GABRG2: variants seen among roughly 807,000 people sequenced by gnomAD.
The protein encoded by GABRG2 is gamma-aminobutyric acid receptor subunit gamma-2.
A neutral mutation model predicts 56.4 loss-of-function variants in GABRG2; 16 were observed. The ratio of observed to expected loss-of-function variants is 0.28; its 90% CI spans 0.19 to 0.43. The LOEUF is 0.43. GABRG2 is among the 20% of genes least tolerant of loss of function. The pLI, the probability that GABRG2 is intolerant of heterozygous loss-of-function variation, is 1.00. For synonymous variants in GABRG2, 208 were observed against 205.5 expected, an observed-to-expected ratio of 1.01 and a Z score of -0.10; for missense variants, 327 against 582.7, an observed-to-expected ratio of 0.56 and a Z score of 4.52.
Position 162,130,046 on chromosome 5 carries a change from T to C in GABRG2, c.770-12118T>C, listed in dbSNP as rs149917822. 4.6e-5 allele frequency among the ~76,000 whole-genome samples: 7 copies of C among 152,072 alleles called. No homozygotes were observed. In the Middle Eastern group the frequency reaches 0.01, roughly 222 times the overall value. On this transcript the variant is annotated intron_variant, in intron 6 of 9. Coordinates refer to ENST00000639213, the MANE Select transcript of GABRG2 (RefSeq NM_198904.4). ...TTGCCCACCAACACAGAAAGTTTCCTTTTTCAGAGAAGTTGAGCTTTTTCG... is the reference window on the plus strand; with the variant it reads ...TTGCCCACCAACACAGAAAGTTTCCCTTTTCAGAGAAGTTGAGCTTTTTCG...
At chr5:162,127,209 TG>T (rs1763397242) in intron 6 of GABRG2, among the ~76,000 whole-genome samples, 1 of 152,088 alleles carries the variant, frequency 6.6e-6, no homozygotes, top group Non-Finnish European at 1.5e-5. Context: ...CTCTGCACAG[TG>T]GAAAACCTAT....
intron 5 of GABRG2, chr5:162,102,320 C>T (rs1561644566): frequency 3.1e-6 from 1 of 321,324 alleles, no homozygotes; most frequent in African/African-American, 2.2e-5. Context: ...AGAGATAAGC[C>T]TTCCTTTCTT....
chr5:162,076,774 C>G (rs1027039851), intron 1 of GABRG2, among the ~76,000 whole-genome samples: 3 of 152,088 alleles, frequency 2.0e-5, no homozygotes, highest in Admixed American at 6.6e-5. Flanking sequence ...AGGAAACAAT[C>G]TAAGCTGGTA....
chr5:162,150,538 A>C (rs887503250), intron 8 of GABRG2: 1 of 152,220 alleles, frequency 6.6e-6, no homozygotes, highest in African/African-American at 2.4e-5. Context: ...GGCTCATAGA[A>C]ATCCCCATGA....
chr5:162,135,156 A>C (rs1169823601), intron 6 of GABRG2, among the ~76,000 whole-genome samples: 1 of 152,120 alleles, frequency 6.6e-6, no homozygotes, highest in Admixed American at 6.6e-5. Flanking sequence ...GAGAATCTCA[A>C]ATCACCAAAT....
chr5:162,113,021 C>A (rs1472384176), intron 6 of GABRG2, among the ~76,000 whole-genome samples: 1 of 151,882 alleles, frequency 6.6e-6, no homozygotes, highest in African/African-American at 2.4e-5. Flanking sequence ...GGTGAGATCT[C>A]GACTCATGCA....
intron 9 of GABRG2, chr5:162,152,352 A>G (rs2113646881): frequency 2.9e-6 from 1 of 349,292 alleles, no homozygotes; most frequent in South Asian, 2.6e-5. Context: ...ATTTCTGTTT[A>G]GATTATGCTA....
intron 6 of GABRG2, among the ~76,000 whole-genome samples, chr5:162,122,798 A>G (rs1274206721): frequency 1.3e-5 from 2 of 151,766 alleles, no homozygotes; most frequent in African/African-American, 4.8e-5. Context: ...AAGATAGAGC[A>G]TGAATTTTGA....
At chr5:162,115,012 A>G (rs979343401) in intron 6 of GABRG2, among the ~76,000 whole-genome samples, 2 of 152,154 alleles carry the variant, frequency 1.3e-5, no homozygotes, top group African/African-American at 2.4e-5. Flanking sequence ...TTGTCAATCA[A>G]ACTGATACTT....
At chr5:162,113,788 A>G (rs1457085702) in intron 6 of GABRG2, among the ~76,000 whole-genome samples, 1 of 152,222 alleles carries the variant, frequency 6.6e-6, no homozygotes, top group Non-Finnish European at 1.5e-5. Context: ...GTTCCTTGTT[A>G]AAGAGGTAAT....
chr5:162,068,142 A>G (rs1162737680), intron 1 of GABRG2, 36 bp downstream of exon 1: 2 of 1,458,584 alleles, frequency 1.4e-6, no homozygotes, highest in Non-Finnish European at 1.9e-6. Flanking sequence ...TTTTGTTCTG[A>G]AGAGGTGGGG....
At chr5:162,092,554 CAT>C (rs1015005085) in intron 1 of GABRG2, among the ~76,000 whole-genome samples, 7 of 152,100 alleles carry the variant, frequency 4.6e-5, no homozygotes, top group Non-Finnish European at 7.4e-5. Flanking sequence ...GTACATAAAA[CAT>C]ATGTGCATTC....
intron 1 of GABRG2, among the ~76,000 whole-genome samples, chr5:162,086,037 T>G (rs1423048766): frequency 1.3e-5 from 2 of 151,956 alleles, no homozygotes; most frequent in Non-Finnish European, 2.9e-5. Flanking sequence ...AGTGCTACAA[T>G]AAACATACTC....
Position 162,151,820 on chromosome 5 carries a change from G to C in GABRG2, c.1152+67G>C. ...TAAATTTAACTATTAATGCTTACATGGTGTTTTATTTTGTTTTATGAGTAG... is the reference window on the plus strand; with the variant it reads ...TAAATTTAACTATTAATGCTTACATCGTGTTTTATTTTGTTTTATGAGTAG... On this transcript the variant is annotated intron_variant, in intron 9 of 9. Transcript: ENST00000639213. The C allele has an allele frequency of 1.2e-5, 17 of 1,381,238 alleles. No individual in the cohort carries two copies. In the South Asian group the frequency reaches 2.0e-4, roughly 17 times the overall value. The allele number at this position is 1,381,238 out of a possible 1,614,324, so 85.6% of individuals were successfully genotyped here. A position where few individuals can be genotyped will look rare whatever the true frequency, so the allele number is the denominator to read the frequency against.
intron 6 of GABRG2, among the ~76,000 whole-genome samples, chr5:162,105,321 G>GA (rs1294792481): frequency 8.6e-5 from 13 of 151,212 alleles, no homozygotes; most frequent in Admixed American, 3.3e-4. Flanking sequence ...CTTTTATTTG[G>GA]AAAAAAGAAT....
intron 7 of GABRG2, among the ~76,000 whole-genome samples, chr5:162,146,664 A>G (rs185194991): frequency 7.3e-5 from 11 of 151,306 alleles, no homozygotes; most frequent in Non-Finnish European, 1.0e-4. Context: ...GGATTATAGT[A>G]GTCATTTAGA....
chr5:162,111,042 G>A (rs182854839), intron 6 of GABRG2, among the ~76,000 whole-genome samples: 1 of 152,106 alleles, frequency 6.6e-6, no homozygotes, highest in East Asian at 1.9e-4. Context: ...CTCGTCCTCA[G>A]TATTTATTCA....
At chr5:162,070,692 A>T (rs1318142649) in intron 1 of GABRG2, among the ~76,000 whole-genome samples, 3 of 152,048 alleles carry the variant, frequency 2.0e-5, no homozygotes, top group Non-Finnish European at 4.4e-5. Flanking sequence ...ATCTCTTCTT[A>T]TAAGTGAAAT....
At chr5:162,102,198 T>C (rs1761475303) in intron 5 of GABRG2, 1 of 198,740 alleles carries the variant, frequency 5.0e-6, no homozygotes, top group African/African-American at 2.4e-5. Flanking sequence ...AAAATATCAC[T>C]GGACATCATA....
Sources: allele counts gnomAD v4.1 joint callset (sites outside exome capture counted in the v4.1 genomes callset), GRCh38; gene constraint gnomAD v4.1.1; transcripts MANE v1.5; gene names NCBI Gene and HGNC (gene_info 2026-07-23, HGNC 2026-07-21).